PARG: variants seen among roughly 807,000 people sequenced by gnomAD.
The protein encoded by PARG is mitochondrial poly(ADP-ribose) glycohydrolase.
PARG carries 35 observed loss-of-function variants against 113.0 expected under a neutral mutation model. The observed-to-expected ratio is 0.31, with a 90% CI of 0.24 to 0.41. The LOEUF (loss-of-function observed/expected upper bound fraction) is 0.41. Ranked by LOEUF, PARG falls within the 10% of genes least tolerant of loss-of-function variation. PARG has a pLI of 1.00. For missense variants in PARG, 797 were observed against 1,169.4 expected (o/e 0.68, Z 4.64); for synonymous variants, 330 against 409.9 (o/e 0.81, Z 2.36).
intron 16 of PARG, among the ~76,000 whole-genome samples, chr10:49,820,546 A>C (rs1265906020): frequency 6.6e-6 from 1 of 151,638 alleles, no homozygotes. Context: ...ACATGGTGAA[A>C]CCCTACTAAA....
chr10:49,859,043 A>C (rs1846128463), intron 12 of PARG, among the ~76,000 whole-genome samples: 1 of 149,982 alleles, frequency 6.7e-6, no homozygotes, highest in African/African-American at 2.4e-5. Flanking sequence ...CTTTCTAATA[A>C]TACAATTAAC....
chr10:49,929,112 TAG>T (rs1363336018), intron 4 of PARG, among the ~76,000 whole-genome samples: 4 of 151,992 alleles, frequency 2.6e-5, no homozygotes, highest in Middle Eastern at 3.4e-3. Context: ...ACATTAACTA[TAG>T]AGATTATTTG....
chr10:49,892,338 C>G (rs1554841769), intron 7 of PARG, among the ~76,000 whole-genome samples: 1 of 152,140 alleles, frequency 6.6e-6, no homozygotes, highest in Non-Finnish European at 1.5e-5. Flanking sequence ...CAGATATAAA[C>G]AGATGCATAT....
intron 16 of PARG, among the ~76,000 whole-genome samples, chr10:49,821,302 A>C (rs1349586678): frequency 6.6e-6 from 1 of 152,236 alleles, no homozygotes; most frequent in Non-Finnish European, 1.5e-5. Flanking sequence ...GAATACAGTT[A>C]CAATAAATGC....
At chr10:49,890,724 A>G (rs1176087561) in intron 7 of PARG, among the ~76,000 whole-genome samples, 8 of 152,244 alleles carry the variant, frequency 5.3e-5, no homozygotes, top group Admixed American at 3.9e-4. Flanking sequence ...AAAACATTAT[A>G]AATATTTAAA....
At chr10:49,926,274 G>C (rs1554850565) in intron 4 of PARG, among the ~76,000 whole-genome samples, 1 of 151,938 alleles carries the variant, frequency 6.6e-6, no homozygotes, top group Non-Finnish European at 1.5e-5. Flanking sequence ...GACTGATCAG[G>C]TTATTTGAAG....
Position 49,849,854 on chromosome 10 carries a change from A to G in PARG, c.2354-6222T>C, listed in dbSNP as rs576201496. 4.7e-3 allele frequency among the ~76,000 whole-genome samples: 719 copies of G among 151,442 alleles called. 4 individuals carry two copies. Among genetic ancestry groups the G allele is most frequent in the Middle Eastern group, 0.017 (5 of 292 alleles). ...AGAATGAGACCTTGTCTCCACTGAA[A>G]ATTAAAAAAAAAAGTTAGGTGGGTG... On this transcript the variant is annotated intron_variant, in intron 13 of 17. Coordinates refer to ENST00000616448, the MANE Select transcript of PARG (RefSeq NM_003631.5).
chr10:49,901,610 T>G (rs556565001), intron 7 of PARG, among the ~76,000 whole-genome samples: 11 of 152,290 alleles, frequency 7.2e-5, no homozygotes, highest in African/African-American at 2.4e-4. Flanking sequence ...AAAACTAATT[T>G]TCCTAAAAGG....
intron 4 of PARG, among the ~76,000 whole-genome samples, chr10:49,929,035 T>C (rs1190875793): frequency 6.6e-6 from 1 of 152,252 alleles, no homozygotes; most frequent in East Asian, 1.9e-4. Context: ...TACAATAGTC[T>C]TGCATTGCTG....
chr10:49,934,269 T>A, intron 2 of PARG, 106 bp from the exon 3 acceptor site: 1 of 637,306 alleles, frequency 1.6e-6, no homozygotes, highest in Admixed American at 2.7e-5. Flanking sequence ...TGTGGTCAGC[T>A]GAGCACACAG....
intron 1 of PARG, among the ~76,000 whole-genome samples, chr10:49,940,758 C>T (rs1232622913): frequency 6.6e-6 from 1 of 152,120 alleles, no homozygotes; most frequent in Non-Finnish European, 1.5e-5. Context: ...GAGCTCCTGA[C>T]CTCAGGTGAT....
rs181538690 is a variant in PARG at position 49,845,310 on chromosome 10, A to G, written c.2354-1678T>C. ...GAAAATGTGTGCTCACAAAAACTGC[A>G]AAGAACAATGTTCATAGCAGGTTTC... On this transcript the variant is annotated intron_variant, in intron 13 of 17. Transcript: ENST00000616448. Among the ~76,000 whole-genome samples the G allele has an allele frequency of 4.7e-3, 722 of 152,354 alleles. 4 individuals are homozygous for G. Among genetic ancestry groups the G allele is most frequent in the Middle Eastern group, 0.017 (5 of 294 alleles).
chr10:49,841,555 T>G (rs1317148030), intron 15 of PARG, among the ~76,000 whole-genome samples: 1 of 152,214 alleles, frequency 6.6e-6, no homozygotes, highest in Non-Finnish European at 1.5e-5. Flanking sequence ...AACATTTGAT[T>G]TGGCTTTTTC....
intron 16 of PARG, among the ~76,000 whole-genome samples, chr10:49,821,616 G>C (rs537399859): frequency 2.6e-4 from 39 of 152,340 alleles, no homozygotes; most frequent in African/African-American, 8.7e-4. Flanking sequence ...CTGACCTCAA[G>C]TGATCTGCCC....
chr10:49,933,520 T>G lies in PARG; in HGVS notation c.928A>C (p.Lys310Gln). 6.2e-7 allele frequency: 1 copy of G among 1,611,356 alleles called. No individual in the cohort carries two copies. Among genetic ancestry groups the G allele is most frequent in the East Asian group, 2.2e-5 (1 of 44,872 alleles). ...GCTTCTGAGTCTTGACAACTATTTTTAGAATTATCCACATCCATCGGTGAC... is the reference window on the plus strand; with the variant it reads ...GCTTCTGAGTCTTGACAACTATTTTGAGAATTATCCACATCCATCGGTGAC... The part of the protein sequence containing the change: ...PESPMDVDNS[K>Q]NSCQDSEADE... The change falls in exon 3 of 18, where the codon AAA becomes CAA. Residue 310 changes from lysine to glutamine, a missense_variant. By Grantham distance (53) the Lys-to-Gln change is moderately conservative (BLOSUM62 1). Coordinates refer to ENST00000616448, the MANE Select transcript of PARG (RefSeq NM_003631.5).
At position 49,932,678 on chromosome 10, in the gene PARG, G is replaced by A. The variant is rs1554910186; in HGVS notation, c.1272-395C>T. On this transcript the variant is annotated intron_variant, in intron 3 of 17. Coordinates refer to ENST00000616448, the MANE Select transcript of PARG (RefSeq NM_003631.5). Reference sequence around the variant, plus strand: ...CATATGGGGTAACGGCAAAATATAAGCTTTGTAATATGACACACCTGGATT... The same window carrying A: ...CATATGGGGTAACGGCAAAATATAAACTTTGTAATATGACACACCTGGATT... Among the ~76,000 whole-genome samples the A allele has an allele frequency of 2.3e-4, 35 of 151,940 alleles. No individual in the cohort carries two copies. The East Asian group carries it at 2.4e-3, about 10-fold the overall frequency.
At chr10:49,931,380 C>A (rs1175444446) in intron 4 of PARG, among the ~76,000 whole-genome samples, 3 of 152,042 alleles carry the variant, frequency 2.0e-5, no homozygotes, top group Non-Finnish European at 4.4e-5. Flanking sequence ...AGTCATGCAG[C>A]TGGAGGCTAC....
intron 2 of PARG, among the ~76,000 whole-genome samples, chr10:49,934,576 G>A (rs1350057245): frequency 1.3e-5 from 2 of 152,092 alleles, no homozygotes; most frequent in African/African-American, 2.4e-5. Context: ...CTGGCCGGGC[G>A]CAGTGGCTCA....
At chr10:49,832,673 G>A (rs782707432) in intron 16 of PARG, 130 bp downstream of exon 16, 29 of 563,582 alleles carry the variant, frequency 5.1e-5, no homozygotes, top group Middle Eastern at 5.4e-4. Flanking sequence ...AAAGAAAATA[G>A]TGTTAAATAT....
Sources: gnomAD v4.1 joint callset for allele counts (sites outside exome capture counted in the v4.1 genomes callset) on GRCh38, gnomAD v4.1.1 for gene constraint, MANE v1.5 for transcripts, NCBI Gene and HGNC (gene_info 2026-07-23, HGNC 2026-07-21) for gene names.